Variants in CREB5 observed in about 807,000 individuals in gnomAD.
CREB5 encodes the protein cyclic AMP-responsive element-binding protein 5.
In CREB5, 19 loss-of-function variants were observed where a neutral mutation model predicts 57.1. That is an observed-to-expected ratio of 0.33 (90% CI 0.23 to 0.49). The LOEUF is 0.49. Ranked by LOEUF, CREB5 falls within the 20% of genes least tolerant of loss-of-function variation. The pLI is 0.99. For synonymous variants in CREB5, 238 were observed against 238.3 expected, an observed-to-expected ratio of 1.00 and a Z score of 0.01; for missense variants, 579 against 671.6, an observed-to-expected ratio of 0.86 and a Z score of 1.52.
Position 28,709,566 on chromosome 7 carries a change from C to T in CREB5, c.465-9187C>T, listed in dbSNP as rs765427161. On this transcript the variant is annotated intron_variant, in intron 5 of 10. Coordinates refer to ENST00000357727, the MANE Select transcript of CREB5 (RefSeq NM_182898.4). ...TGAAAGCCCTAGTAAACATCTCCTC[C>T]GCCTAAGTAGATGCAGTGTATATGC... Among the ~76,000 whole-genome samples the T allele has an allele frequency of 2.5e-4, 38 of 152,018 alleles. 1 individual carries two copies. Among genetic ancestry groups the T allele is most frequent in the Admixed American group, 2.1e-3 (32 of 15,244 alleles).
At chr7:28,540,090 T>C (rs948087991) in intron 4 of CREB5, among the ~76,000 whole-genome samples, 3 of 152,184 alleles carry the variant, frequency 2.0e-5, no homozygotes, top group African/African-American at 7.2e-5. Context: ...GCATATTTTA[T>C]AAAGGGCATT....
intron 1 of CREB5, among the ~76,000 whole-genome samples, chr7:28,331,361 A>G (rs1317599006): frequency 6.6e-6 from 1 of 152,078 alleles, no homozygotes; most frequent in Non-Finnish European, 1.5e-5. Context: ...ATCTCATGAA[A>G]ACTTAATATT....
intron 4 of CREB5, among the ~76,000 whole-genome samples, chr7:28,546,592 C>T (rs867731674): frequency 5.3e-5 from 8 of 152,284 alleles, no homozygotes; most frequent in Middle Eastern, 3.4e-3. Context: ...AAGACCTGCT[C>T]GTATGAGAGG....
intron 7 of CREB5, among the ~76,000 whole-genome samples, chr7:28,769,795 C>T (rs188474915): frequency 2.3e-4 from 35 of 152,164 alleles, no homozygotes; most frequent in African/African-American, 6.3e-4. Flanking sequence ...AGCTGGAAAT[C>T]GAGATCAGAT....
intron 7 of CREB5, among the ~76,000 whole-genome samples, chr7:28,753,050 T>C (rs1471692473): frequency 6.6e-6 from 1 of 152,182 alleles, no homozygotes; most frequent in Non-Finnish European, 1.5e-5. Flanking sequence ...TTCCACTTAC[T>C]GGAAAACAGT....
intron 5 of CREB5, among the ~76,000 whole-genome samples, chr7:28,694,756 A>C (rs1299272391): frequency 6.6e-6 from 1 of 152,148 alleles, no homozygotes; most frequent in Non-Finnish European, 1.5e-5. Flanking sequence ...TATGTAGCCC[A>C]GGCTAGTCTC....
intron 3 of CREB5, among the ~76,000 whole-genome samples, chr7:28,505,286 T>G (rs1792438164): frequency 1.3e-5 from 2 of 152,190 alleles, no homozygotes; most frequent in Non-Finnish European, 2.9e-5. Context: ...TCCATACACT[T>G]TCTATTCAGA....
intron 5 of CREB5, among the ~76,000 whole-genome samples, chr7:28,644,224 G>A (rs1798803444): frequency 6.6e-6 from 1 of 152,154 alleles, no homozygotes; most frequent in African/African-American, 2.4e-5. Flanking sequence ...TTCCTGTAAT[G>A]TAGCTGAGTG....
intron 1 of CREB5, among the ~76,000 whole-genome samples, chr7:28,398,170 A>G (rs1787376792): frequency 6.6e-6 from 1 of 152,166 alleles, no homozygotes. Flanking sequence ...AGGTTTAAGT[A>G]CCAGGCTCTA....
chr7:28,681,936 T>G (rs544815753), intron 5 of CREB5, among the ~76,000 whole-genome samples: 2 of 152,196 alleles, frequency 1.3e-5, no homozygotes, highest in Non-Finnish European at 2.9e-5. Flanking sequence ...GGAAGCAGAA[T>G]TGATGACAAT....
At chr7:28,356,558 C>T (rs1321991906) in intron 1 of CREB5, among the ~76,000 whole-genome samples, 16 of 152,232 alleles carry the variant, frequency 1.1e-4, no homozygotes, top group Non-Finnish European at 7.3e-5. Context: ...ACGTGATAAC[C>T]TACCCTCACC....
rs565008458 is a variant in CREB5 at position 28,814,866 on chromosome 7, T to C, written c.1255-3205T>C. Among the ~76,000 whole-genome samples, 10 of 152,334 alleles carry C rather than the reference T, an allele frequency of 6.6e-5. No homozygotes were observed. In the South Asian group the frequency reaches 1.9e-3, roughly 28 times the overall value. On this transcript the variant is annotated intron_variant, in intron 9 of 10. Coordinates refer to ENST00000357727, the MANE Select transcript of CREB5 (RefSeq NM_182898.4). ...TATTTAGTCCTTGCAGCATCATAGT[T>C]ATATGTATATGGATAAACAAGAAGC...
chr7:28,452,266 T>C (rs1437734007), intron 1 of CREB5, among the ~76,000 whole-genome samples: 1 of 152,184 alleles, frequency 6.6e-6, no homozygotes, highest in Non-Finnish European at 1.5e-5. Context: ...AGTTTTCCAA[T>C]GAGTTTTATA....
Position 28,323,766 on chromosome 7 carries a change from A to G in CREB5, c.-25+24325A>G, listed in dbSNP as rs377366938. 9.2e-5 allele frequency among the ~76,000 whole-genome samples: 14 copies of G among 152,328 alleles called. No homozygotes were observed. The East Asian group carries it at 1.7e-3, about 19-fold the overall frequency. On this transcript the variant is annotated intron_variant, in intron 1 of 9. Coordinates refer to the CREB5 transcript ENST00000396299. Reference sequence around the variant, plus strand: ...GTGCAGTACCTTTATTGTGCACTTTATTTCTATTATTATTACACTGTAATA... The same window carrying G: ...GTGCAGTACCTTTATTGTGCACTTTGTTTCTATTATTATTACACTGTAATA...
At chr7:28,775,611 G>A (rs772973095) in intron 7 of CREB5, among the ~76,000 whole-genome samples, 16 of 145,542 alleles carry the variant, frequency 1.1e-4, no homozygotes, top group Non-Finnish European at 2.2e-4. Context: ...TTTGTTTTGT[G>A]TATTCTTCTG....
At chr7:28,366,758 A>G (rs1786595883) in intron 1 of CREB5, among the ~76,000 whole-genome samples, 1 of 152,220 alleles carries the variant, frequency 6.6e-6, no homozygotes, top group South Asian at 2.1e-4. Flanking sequence ...GATGTCCAAT[A>G]TTCGTTACCT....
At chr7:28,734,118 C>A (rs957060669) in intron 7 of CREB5, among the ~76,000 whole-genome samples, 1 of 149,786 alleles carries the variant, frequency 6.7e-6, no homozygotes, top group African/African-American at 2.5e-5. Context: ...TGGTGTGGCA[C>A]CATCTGAAGG....
rs1467935536 is a variant in CREB5 at position 28,560,931 on chromosome 7, T to TGCGTGTGCGTGCGTGTGCGTGCGTGC, written c.292-9433_292-9432insCGTGTGCGTGCGTGTGCGTGCGTGCG. On this transcript the variant is annotated intron_variant, in intron 4 of 10. Coordinates refer to ENST00000357727, the MANE Select transcript of CREB5 (RefSeq NM_182898.4). The stretch of plus-strand genomic sequence containing the variant: ...GTGCGTGTGCGTGTGTGCGCGTGCG[T>TGCGTGTGCGTGCGTGTGCGTGCGTGC]GTGTGCGTGCGTGTGTGTGCGTGTG... Among the ~76,000 whole-genome samples the TGCGTGTGCGTGCGTGTGCGTGCGTGC allele has an allele frequency of 6.2e-5, 3 of 48,550 alleles. No individual in the cohort carries two copies. The South Asian group carries it at 2.5e-3, about 40-fold the overall frequency. The allele number at this position is 48,550 out of a possible 152,430, so 31.9% of individuals were successfully genotyped here.
chr7:28,520,325 C>T (rs1203735041), intron 4 of CREB5, among the ~76,000 whole-genome samples: 1 of 152,234 alleles, frequency 6.6e-6, no homozygotes, highest in African/African-American at 2.4e-5. Context: ...TGGGAGGCCT[C>T]TTCCCTTTCA....
Sources: gnomAD v4.1 joint callset for allele counts (sites outside exome capture counted in the v4.1 genomes callset) on GRCh38, gnomAD v4.1.1 for gene constraint, MANE v1.5 for transcripts, NCBI Gene and HGNC (gene_info 2026-07-23, HGNC 2026-07-21) for gene names.